IMMP2L: variants seen among roughly 807,000 people sequenced by gnomAD.
The protein encoded by IMMP2L is mitochondrial inner membrane protease subunit 2.
In IMMP2L, 18 loss-of-function variants were observed where a neutral mutation model predicts 19.3. The ratio of observed to expected loss-of-function variants is 0.93; its 90% CI spans 0.64 to 1.38. The LOEUF is 1.38. Among genes scored for constraint, IMMP2L ranks in the 40% most tolerant of loss-of-function variants. The pLI, the probability that IMMP2L is intolerant of heterozygous loss-of-function variation, is 0.00. For missense variants in IMMP2L, 233 were observed against 218.2 expected (o/e 1.07, Z -0.43); for synonymous variants, 76 against 73.0 (o/e 1.04, Z -0.21).
chr7:111,500,970 G>A (rs1402492871), intron 2 of IMMP2L, among the ~76,000 whole-genome samples: 4 of 152,308 alleles, frequency 2.6e-5, no homozygotes, highest in South Asian at 2.1e-4. Context: ...AAAGCTGGAC[G>A]GAGAATGACT....
chr7:111,338,080 C>T (rs1158452789), intron 3 of IMMP2L, among the ~76,000 whole-genome samples: 2 of 152,092 alleles, frequency 1.3e-5, no homozygotes, highest in Non-Finnish European at 2.9e-5. Context: ...AGGAAGAAGG[C>T]AAGGGCAGAA....
intron 5 of IMMP2L, among the ~76,000 whole-genome samples, chr7:110,699,590 G>T (rs1275583750): frequency 6.6e-6 from 1 of 152,042 alleles, no homozygotes; most frequent in Non-Finnish European, 1.5e-5. Context: ...GGTCAACATG[G>T]AGAAACCTCA....
In IMMP2L at chr7:111,276,201, G is replaced by A. The variant is rs189073475; in HGVS notation, c.239+211037C>T. 4.2e-4 allele frequency among the ~76,000 whole-genome samples: 64 copies of A among 152,122 alleles called. 1 individual carries two copies. The highest frequency in any genetic ancestry group is 1.2e-3 in the African/African-American group (49 of 41,518). On this transcript the variant is annotated intron_variant, in intron 3 of 5. Coordinates refer to ENST00000405709, the MANE Select transcript of IMMP2L (RefSeq NM_032549.4). The stretch of plus-strand genomic sequence containing the variant: ...AGGAAATTTTTGCATCTATTGAGAC[G>A]ATCATATGGTTTTTGTCCTTAATTC...
chr7:111,343,044 T>C (rs1192519627), intron 3 of IMMP2L, among the ~76,000 whole-genome samples: 1 of 152,106 alleles, frequency 6.6e-6, no homozygotes, highest in Non-Finnish European at 1.5e-5. Context: ...TCTCATTGAT[T>C]AAACCTAACC....
intron 1 of IMMP2L, among the ~76,000 whole-genome samples, chr7:111,556,035 T>TATATATATATATATATACAC (rs1554550178): frequency 7.4e-5 from 10 of 135,696 alleles, no homozygotes; most frequent in African/African-American, 2.8e-4. Context: ...TATATATATA[T>TATATATATATATATATACAC]ACATACCCAA....
intron 3 of IMMP2L, among the ~76,000 whole-genome samples, chr7:111,464,012 C>G (rs1459713130): frequency 6.6e-6 from 1 of 152,140 alleles, no homozygotes; most frequent in Non-Finnish European, 1.5e-5. Flanking sequence ...TGCTCCTTTC[C>G]TCCTTCACAC....
At chr7:110,979,711 A>C (rs1821065938) in intron 3 of IMMP2L, among the ~76,000 whole-genome samples, 1 of 151,978 alleles carries the variant, frequency 6.6e-6, no homozygotes, top group Non-Finnish European at 1.5e-5. Context: ...AACAAAACCA[A>C]AAAAACCTCA....
At chr7:111,216,872 T>C (rs542978423) in intron 3 of IMMP2L, among the ~76,000 whole-genome samples, 18 of 152,208 alleles carry the variant, frequency 1.2e-4, no homozygotes, top group South Asian at 2.1e-4. Context: ...CATAACCATT[T>C]TGAAGTCTTG....
intron 3 of IMMP2L, among the ~76,000 whole-genome samples, chr7:111,260,773 TAC>T (rs1817234784): frequency 6.6e-6 from 1 of 152,218 alleles, no homozygotes; most frequent in South Asian, 2.1e-4. Flanking sequence ...TATTAAAAAT[TAC>T]AGACATAAAA....
intron 3 of IMMP2L, among the ~76,000 whole-genome samples, chr7:111,403,895 G>T (rs924568023): frequency 6.6e-6 from 1 of 152,066 alleles, no homozygotes; most frequent in Admixed American, 6.5e-5. Flanking sequence ...AATTAGCCAT[G>T]CCACTTGGAA....
At chr7:111,323,244 G>A (rs2130532589) in intron 3 of IMMP2L, among the ~76,000 whole-genome samples, 1 of 152,074 alleles carries the variant, frequency 6.6e-6, no homozygotes, top group African/African-American at 2.4e-5. Flanking sequence ...CTACTCATCT[G>A]ACAAAGGGCT....
intron 1 of IMMP2L, among the ~76,000 whole-genome samples, chr7:111,546,336 G>A (rs1848929207): frequency 2.0e-5 from 3 of 151,982 alleles, no homozygotes; most frequent in East Asian, 1.9e-4. Flanking sequence ...ATGACACATT[G>A]TGTTTTCAAA....
At chr7:110,700,863 T>C (rs1314750342) in intron 5 of IMMP2L, among the ~76,000 whole-genome samples, 1 of 152,232 alleles carries the variant, frequency 6.6e-6, no homozygotes, top group African/African-American at 2.4e-5. Context: ...TGTACTGATA[T>C]AGTATGTATA....
intron 3 of IMMP2L, among the ~76,000 whole-genome samples, chr7:111,242,192 G>T (rs1815144159): frequency 6.6e-6 from 1 of 151,926 alleles, no homozygotes; most frequent in African/African-American, 2.4e-5. Flanking sequence ...CAAAAACAAA[G>T]CAGAACAAGG....
intron 3 of IMMP2L, among the ~76,000 whole-genome samples, chr7:111,279,936 G>A (rs1036767973): frequency 6.6e-6 from 1 of 152,012 alleles, no homozygotes; most frequent in African/African-American, 2.4e-5. Flanking sequence ...CATCTTTAAT[G>A]CTGACTAACC....
chr7:111,281,453 A>T (rs531394238), intron 3 of IMMP2L, among the ~76,000 whole-genome samples: 1 of 152,284 alleles, frequency 6.6e-6, no homozygotes, highest in African/African-American at 2.4e-5. Flanking sequence ...CTCACAGCTT[A>T]GGTTACATGG....
rs1813665821 is a variant in IMMP2L at position 110,916,832 on chromosome 7, TG to T, written c.306-30138del. On this transcript the variant is annotated intron_variant, in intron 4 of 5. Transcript: ENST00000405709. ...GCTTCTATATTTGAAATATTATAGTTGGTGATACATTAATGGTTCTCAAAAC... is the reference window on the plus strand; with the variant it reads ...GCTTCTATATTTGAAATATTATAGTTGTGATACATTAATGGTTCTCAAAAC... Among the ~76,000 whole-genome samples, 4 of 152,314 alleles carry T rather than the reference TG, an allele frequency of 2.6e-5. No individual in the cohort carries two copies. In the South Asian group the frequency reaches 8.3e-4, roughly 32 times the overall value.
chr7:110,837,764 T>A (rs546199299), intron 5 of IMMP2L, among the ~76,000 whole-genome samples: 16 of 152,068 alleles, frequency 1.1e-4, no homozygotes, highest in Non-Finnish European at 2.4e-4. Context: ...GCAGGAAGGG[T>A]AATGTTTACT....
At chr7:111,200,230 G>GTAT in intron 3 of IMMP2L, among the ~76,000 whole-genome samples, 1 of 152,074 alleles carries the variant, frequency 6.6e-6, no homozygotes, top group East Asian at 1.9e-4. Context: ...ACATATTTAG[G>GTAT]TATTAATAAA....
Sources: gnomAD v4.1 joint callset for allele counts (sites outside exome capture counted in the v4.1 genomes callset) on GRCh38, gnomAD v4.1.1 for gene constraint, MANE v1.5 for transcripts, NCBI Gene and HGNC (gene_info 2026-07-23, HGNC 2026-07-21) for gene names.